NTM: variants seen among roughly 807,000 people sequenced by gnomAD.
NTM encodes the protein neurotrimin, also known as IgLON family member 2.
NTM carries 13 observed loss-of-function variants against 42.1 expected under a neutral mutation model. The observed-to-expected ratio is 0.31, with a 90% CI of 0.20 to 0.49. The LOEUF is 0.49. Ranked by LOEUF, NTM falls within the 20% of genes least tolerant of loss-of-function variation. The probability of loss-of-function intolerance (pLI) is 0.99; values close to 1 mark genes in which losing one functional copy is unlikely to be tolerated. For missense variants in NTM, 373 were observed against 452.8 expected (o/e 0.82, Z 1.60); for synonymous variants, 187 against 179.2 (o/e 1.04, Z -0.35).
chr11:131,512,278 C>T (rs1565584486), intron 1 of NTM, among the ~76,000 whole-genome samples: 1 of 152,210 alleles, frequency 6.6e-6, no homozygotes, highest in Non-Finnish European at 1.5e-5. Context: ...TCTTTTGTCT[C>T]TCATTTGTTC....
At chr11:131,682,335 C>A (rs2073094339) in intron 1 of NTM, among the ~76,000 whole-genome samples, 1 of 152,214 alleles carries the variant, frequency 6.6e-6, no homozygotes, top group Admixed American at 6.5e-5. Context: ...AATCTCTGTA[C>A]AAAAACAGCA....
chr11:132,191,173 C>G (rs2079260990), intron 3 of NTM, among the ~76,000 whole-genome samples: 1 of 152,138 alleles, frequency 6.6e-6, no homozygotes, highest in Non-Finnish European at 1.5e-5. Flanking sequence ...ATGCTTGCGG[C>G]CACCACCCAA....
Position 132,320,678 on chromosome 11 carries a change from C to T in NTM, c.934+5975C>T, listed in dbSNP as rs1333935650. Among the ~76,000 whole-genome samples, 11 of 152,298 alleles carry T rather than the reference C, an allele frequency of 7.2e-5. No homozygotes were observed. The South Asian group carries it at 1.5e-3, about 20-fold the overall frequency. On this transcript the variant is annotated intron_variant, in intron 7 of 8. Coordinates refer to ENST00000683400, the MANE Select transcript of NTM (RefSeq NM_001352005.2). ...TCGAACTGGGTGGAGCCCACCACAGCTCAAGGAGGCCTGCCTGCCTCTGTA... is the reference window on the plus strand; with the variant it reads ...TCGAACTGGGTGGAGCCCACCACAGTTCAAGGAGGCCTGCCTGCCTCTGTA...
At chr11:132,309,640 C>A (rs2095217055) in intron 5 of NTM, among the ~76,000 whole-genome samples, 1 of 152,188 alleles carries the variant, frequency 6.6e-6, no homozygotes, top group African/African-American at 2.4e-5. Context: ...CCAGCTTTTT[C>A]TTAGAGCGGC....
At chr11:131,646,815 C>A (rs1565371046) in intron 1 of NTM, among the ~76,000 whole-genome samples, 2 of 152,150 alleles carry the variant, frequency 1.3e-5, no homozygotes, top group South Asian at 4.1e-4. Flanking sequence ...CCGATTTTAA[C>A]CTACTATTCC....
chr11:132,140,335 A>G (rs1049980928), intron 2 of NTM, among the ~76,000 whole-genome samples: 2 of 152,040 alleles, frequency 1.3e-5, no homozygotes, highest in Admixed American at 1.3e-4. Flanking sequence ...TCCTCCCCCT[A>G]ATCCTTTCAC....
chr11:132,040,686 CACTT>C (rs2077065418), intron 2 of NTM, among the ~76,000 whole-genome samples: 1 of 152,210 alleles, frequency 6.6e-6, no homozygotes, highest in Admixed American at 6.5e-5. Flanking sequence ...TCTATTATAA[CACTT>C]ATAGCCATTA....
chr11:132,197,356 G>T (rs1410556999), intron 3 of NTM, among the ~76,000 whole-genome samples: 1 of 152,094 alleles, frequency 6.6e-6, no homozygotes, highest in East Asian at 1.9e-4. Context: ...AGTTGGATTG[G>T]TGAGTGCATA....
intron 2 of NTM, among the ~76,000 whole-genome samples, chr11:132,025,161 G>A (rs942277252): frequency 2.6e-5 from 4 of 152,146 alleles, no homozygotes; most frequent in Admixed American, 6.5e-5. Flanking sequence ...TGAGCAAGAT[G>A]TTTCATGTCC....
chr11:132,091,462 T>G (rs2060365924), intron 2 of NTM, among the ~76,000 whole-genome samples: 1 of 152,052 alleles, frequency 6.6e-6, no homozygotes. Context: ...TTGACTATAT[T>G]TCTCAATTTT....
chr11:132,099,969 A>G (rs2061443223), intron 2 of NTM, among the ~76,000 whole-genome samples: 2 of 151,792 alleles, frequency 1.3e-5, no homozygotes. Context: ...CCCACTTTGC[A>G]CCATTGAGAT....
intron 1 of NTM, among the ~76,000 whole-genome samples, chr11:131,495,574 A>T (rs946581982): frequency 6.6e-6 from 1 of 152,200 alleles, no homozygotes; most frequent in Non-Finnish European, 1.5e-5. Flanking sequence ...GATACTTGGG[A>T]GTAGGCTGCC....
intron 1 of NTM, among the ~76,000 whole-genome samples, chr11:131,516,585 C>T (rs1423545426): frequency 6.6e-6 from 1 of 152,084 alleles, no homozygotes; most frequent in African/African-American, 2.4e-5. Context: ...TTGGCCAGGC[C>T]AGTTTCGAAC....
chr11:132,050,145 G>T (rs2078647482), intron 2 of NTM, among the ~76,000 whole-genome samples: 1 of 152,146 alleles, frequency 6.6e-6, no homozygotes, highest in Non-Finnish European at 1.5e-5. Context: ...ATGCTGGCAG[G>T]GGACTGGGGA....
At chr11:132,309,146 A>T (rs1052975935) in intron 5 of NTM, among the ~76,000 whole-genome samples, 19 of 152,234 alleles carry the variant, frequency 1.2e-4, no homozygotes, top group Non-Finnish European at 2.4e-4. Context: ...AGTCAGCAAC[A>T]TCATGTACAA....
intron 1 of NTM, among the ~76,000 whole-genome samples, chr11:131,412,863 G>A (rs1946567512): frequency 6.6e-6 from 1 of 152,104 alleles, no homozygotes; most frequent in African/African-American, 2.4e-5. Context: ...GAAAATGTCT[G>A]CTTTCTGCTG....
At position 131,996,379 on chromosome 11, in the gene NTM, G is replaced by A. The variant is rs75853600; in HGVS notation, c.167+84731G>A. Reference sequence around the variant, plus strand: ...ATGTACATATCCACTACAAGAGATGGACGCGCTAGGCATAACAGATGTCTG... The same window carrying A: ...ATGTACATATCCACTACAAGAGATGAACGCGCTAGGCATAACAGATGTCTG... On this transcript the variant is annotated intron_variant, in intron 2 of 8. Transcript: ENST00000683400. Among the ~76,000 whole-genome samples the A allele has an allele frequency of 2.9e-4, 44 of 152,242 alleles. 1 individual carries two copies. The East Asian group carries it at 8.3e-3, about 29-fold the overall frequency.
rs572196652 is a variant in NTM at position 132,122,658 on chromosome 11, T to C, written c.168-23624T>C. Reference sequence around the variant, plus strand: ...AGTGCCACCTCATAAAGGGAAGGGGTACCTCAGAGCCCCAGGGGTGTCCTG... The same window carrying C: ...AGTGCCACCTCATAAAGGGAAGGGGCACCTCAGAGCCCCAGGGGTGTCCTG... On this transcript the variant is annotated intron_variant, in intron 2 of 8. Coordinates refer to ENST00000683400, the MANE Select transcript of NTM (RefSeq NM_001352005.2). Among the ~76,000 whole-genome samples the C allele has an allele frequency of 8.5e-5, 13 of 152,220 alleles. No homozygotes were observed. The East Asian group carries it at 2.1e-3, about 25-fold the overall frequency.
At chr11:131,937,130 G>A (rs188839040) in intron 2 of NTM, among the ~76,000 whole-genome samples, 1 of 152,300 alleles carries the variant, frequency 6.6e-6, no homozygotes, top group East Asian at 1.9e-4. Context: ...TATCAAAAAC[G>A]TCTACTCTTT....
Sources: allele counts gnomAD v4.1 joint callset (sites outside exome capture counted in the v4.1 genomes callset), GRCh38; gene constraint gnomAD v4.1.1; transcripts MANE v1.5; gene names NCBI Gene and HGNC (gene_info 2026-07-23, HGNC 2026-07-21).